The following IL1RAPL1 variants were observed in gnomAD, a reference collection of about 807,000 sequenced individuals.
The protein encoded by IL1RAPL1 is interleukin 1 receptor accessory protein like 1, also known as interleukin-1 receptor accessory protein-like 1.
A neutral mutation model predicts 48.4 loss-of-function variants in IL1RAPL1; 3 were observed. That is an observed-to-expected ratio of 0.06 (90% CI 0.03 to 0.16). The LOEUF (loss-of-function observed/expected upper bound fraction) is 0.16, where lower values mean the gene tolerates loss of function less well. Among genes scored for constraint, IL1RAPL1 ranks in the 10% least tolerant of loss-of-function variants. IL1RAPL1 has a pLI of 1.00. For synonymous variants in IL1RAPL1, 185 were observed against 187.7 expected (o/e 0.99, Z 0.12); for missense variants, 349 against 530.6 (o/e 0.66, Z 3.36).
chrX:28,735,184 C>A (rs1022247911), intron 1 of IL1RAPL1, among the ~76,000 whole-genome samples: 6 of 111,907 alleles, frequency 5.4e-5, no homozygotes, highest in African/African-American at 2.0e-4. Context: ...TTAGCCAATA[C>A]ATTTTATATT....
At chrX:28,795,879 T>A (rs1372678947) in intron 2 of IL1RAPL1, among the ~76,000 whole-genome samples, 2 of 110,853 alleles carry the variant, frequency 1.8e-5, no homozygotes, top group Admixed American at 9.6e-5. Flanking sequence ...AGAGAAATGA[T>A]GTTCGTATTA....
intron 2 of IL1RAPL1, among the ~76,000 whole-genome samples, chrX:28,849,178 C>A (rs1243271561): frequency 9.2e-6 from 1 of 108,384 alleles, no homozygotes; most frequent in East Asian, 2.9e-4. Flanking sequence ...CAGAATGTTT[C>A]AAAAAGACTC....
At chrX:29,627,700 G>T (rs1277817205) in intron 5 of IL1RAPL1, among the ~76,000 whole-genome samples, 1 of 111,259 alleles carries the variant, frequency 9.0e-6, no homozygotes, top group Non-Finnish European at 1.9e-5. Context: ...TCTAACCCCG[G>T]TGGTATTCAG....
At chrX:29,013,803 C>A (rs1261808181) in intron 2 of IL1RAPL1, among the ~76,000 whole-genome samples, 2 of 110,580 alleles carry the variant, frequency 1.8e-5, no homozygotes, top group Non-Finnish European at 3.8e-5. Flanking sequence ...GTGCAGCAAA[C>A]CACCATGGCA....
At chrX:29,849,610 G>A (rs943822652) in intron 6 of IL1RAPL1, among the ~76,000 whole-genome samples, 2 of 111,469 alleles carry the variant, frequency 1.8e-5, no homozygotes, top group Non-Finnish European at 3.8e-5. Flanking sequence ...CCTGAAACCT[G>A]AATACTGAGA....
chrX:29,117,655 A>G (rs1874758162), intron 2 of IL1RAPL1, among the ~76,000 whole-genome samples: 1 of 112,026 alleles, frequency 8.9e-6, no homozygotes, highest in African/African-American at 3.2e-5. Flanking sequence ...ATTTTGATAA[A>G]AGATAGGTTC....
At chrX:29,136,375 C>A (rs1367946646) in intron 2 of IL1RAPL1, among the ~76,000 whole-genome samples, 3 of 111,696 alleles carry the variant, frequency 2.7e-5, no homozygotes, top group Non-Finnish European at 3.8e-5. Context: ...GATCAGCCTG[C>A]CTCAGCCTCC....
chrX:29,039,665 T>C (rs1330181502), intron 2 of IL1RAPL1, among the ~76,000 whole-genome samples: 1 of 109,334 alleles, frequency 9.1e-6, no homozygotes, highest in Non-Finnish European at 1.9e-5. Context: ...CTATCACAAA[T>C]GTTTTCAGAG....
chrX:29,604,887 C>A (rs757074311), intron 5 of IL1RAPL1, among the ~76,000 whole-genome samples: 1 of 110,837 alleles, frequency 9.0e-6, no homozygotes, highest in South Asian at 3.8e-4. Context: ...ACCCTCCTCC[C>A]ATAACCCATG....
intron 2 of IL1RAPL1, among the ~76,000 whole-genome samples, chrX:28,892,101 A>G (rs1243803406): frequency 9.0e-6 from 1 of 110,824 alleles, no homozygotes; most frequent in Non-Finnish European, 1.9e-5. Context: ...AGTTCTTTAT[A>G]TATTCTAGAT....
At chrX:28,980,665 A>G (rs1267541317) in intron 2 of IL1RAPL1, among the ~76,000 whole-genome samples, 3 of 111,479 alleles carry the variant, frequency 2.7e-5, no homozygotes, top group Non-Finnish European at 5.6e-5. Flanking sequence ...TAGGTTGAGG[A>G]CAAATGCATA....
intron 6 of IL1RAPL1, among the ~76,000 whole-genome samples, chrX:29,872,650 T>G (rs1411858626): frequency 8.9e-6 from 1 of 112,070 alleles, no homozygotes; most frequent in Non-Finnish European, 1.9e-5. Flanking sequence ...TCTTTCACTA[T>G]AATTAGTCTT....
chrX:29,114,325 T>G (rs1928633821), intron 2 of IL1RAPL1, among the ~76,000 whole-genome samples: 1 of 112,343 alleles, frequency 8.9e-6, no homozygotes, highest in Non-Finnish European at 1.9e-5. Context: ...TCTCAGCTCT[T>G]CTTAGATCAG....
intron 1 of IL1RAPL1, among the ~76,000 whole-genome samples, chrX:28,728,943 G>A (rs1935717186): frequency 9.0e-6 from 1 of 111,197 alleles, no homozygotes; most frequent in African/African-American, 3.3e-5. Flanking sequence ...TTTCCTTAAA[G>A]AAAATTTTTC....
chrX:29,590,416 A>G (rs1002087950), intron 5 of IL1RAPL1, among the ~76,000 whole-genome samples: 5 of 111,829 alleles, frequency 4.5e-5, no homozygotes, highest in African/African-American at 1.6e-4. Flanking sequence ...AAATTTGGGT[A>G]GTCTCATGCC....
chrX:28,728,578 T>G (rs953469954), intron 1 of IL1RAPL1, among the ~76,000 whole-genome samples: 1 of 111,746 alleles, frequency 8.9e-6, no homozygotes, highest in Non-Finnish European at 1.9e-5. Flanking sequence ...GTTTCTTTAT[T>G]CTAAAAAATT....
intron 5 of IL1RAPL1, among the ~76,000 whole-genome samples, chrX:29,489,386 G>A (rs754365094): frequency 5.4e-5 from 6 of 111,813 alleles, no homozygotes; most frequent in African/African-American, 9.8e-5. Flanking sequence ...TACAAGACAA[G>A]TATTAATGAA....
At chrX:29,562,737 C>T (rs775614976) in intron 5 of IL1RAPL1, among the ~76,000 whole-genome samples, 3 of 111,621 alleles carry the variant, frequency 2.7e-5, no homozygotes, top group Non-Finnish European at 3.8e-5. Flanking sequence ...ATTCTATTTC[C>T]GTCCTAAAAC....
chrX:28,834,446 A>T (rs1187777867), intron 2 of IL1RAPL1, among the ~76,000 whole-genome samples: 2 of 110,883 alleles, frequency 1.8e-5, no homozygotes, highest in Non-Finnish European at 3.8e-5. Flanking sequence ...GACTATTATG[A>T]AGAACATTCA....
Sources: gnomAD v4.1 joint callset for allele counts (sites outside exome capture counted in the v4.1 genomes callset) on GRCh38, gnomAD v4.1.1 for gene constraint, MANE v1.5 for transcripts, NCBI Gene and HGNC (gene_info 2026-07-23, HGNC 2026-07-21) for gene names.